The following URB1 variants were observed in gnomAD, a reference collection of about 807,000 sequenced individuals.
URB1 encodes nucleolar pre-ribosomal-associated protein 1.
A neutral mutation model predicts 242.3 loss-of-function variants in URB1; 197 were observed. The ratio of observed to expected loss-of-function variants is 0.81; its 90% CI spans 0.72 to 0.91. URB1 has a LOEUF of 0.91. Ranked by LOEUF, URB1 falls within the 40% of genes least tolerant of loss-of-function variation. URB1 has a pLI of 0.00. For missense variants in URB1, 2,721 were observed against 2,860.5 expected (o/e 0.95, Z 1.11); for synonymous variants, 1,153 against 1,201.8 (o/e 0.96, Z 0.84).
intron 33 of URB1, 31 bp downstream of exon 33, chr21:32,322,447 G>C (rs2032778585): frequency 6.6e-7 from 1 of 1,524,928 alleles, no homozygotes; most frequent in East Asian, 2.5e-5. Context: ...TCAGGGGCCT[G>C]CAGAAAGCCG....
At chr21:32,354,261 A>G (rs887923626) in intron 17 of URB1, among the ~76,000 whole-genome samples, 158 bp from the exon 18 acceptor site, 1 of 152,238 alleles carries the variant, frequency 6.6e-6, no homozygotes, top group Non-Finnish European at 1.5e-5. Context: ...AAACAGACAA[A>G]AACATTGCCT....
At chr21:32,344,495 C>A in intron 24 of URB1, 75 bp downstream of exon 24, 1 of 1,484,102 alleles carries the variant, frequency 6.7e-7, no homozygotes, top group Admixed American at 2.1e-5. Flanking sequence ...GCTTGAAATG[C>A]ATCTATAGCT....
At chr21:32,334,100 G>A in intron 29 of URB1, 63 bp downstream of exon 29, 1 of 1,458,286 alleles carries the variant, frequency 6.9e-7, no homozygotes, top group Non-Finnish European at 9.1e-7. Context: ...AGCTGAGGGT[G>A]CAGATGGAGC....
intron 13 of URB1, 120 bp downstream of exon 13, chr21:32,360,887 G>T: frequency 1.6e-6 from 1 of 609,084 alleles, no homozygotes; most frequent in Non-Finnish European, 2.8e-6. Context: ...CAATTTCTCA[G>T]GCTGACGGAT....
chr21:32,336,759 G>A (rs2032100), intron 28 of URB1, among the ~76,000 whole-genome samples: 83,981 of 152,158 alleles, frequency 0.55, 28,219 homozygotes, highest in Non-Finnish European at 0.75. Context: ...TATGGCATAA[G>A]TCAATCTACC....
intron 30 of URB1, among the ~76,000 whole-genome samples, chr21:32,329,267 T>TA (rs925088291): frequency 3.3e-5 from 5 of 151,490 alleles, no homozygotes; most frequent in African/African-American, 4.8e-5. Flanking sequence ...CCCTGACTCT[T>TA]AAAAAAAAAT....
At chr21:32,389,110 G>C (rs183390680) in intron 1 of URB1, among the ~76,000 whole-genome samples, 1 of 152,230 alleles carries the variant, frequency 6.6e-6, no homozygotes, top group Non-Finnish European at 1.5e-5. Context: ...ACATGATCTA[G>C]ATTAGAGGGT....
rs2032917968 is a variant in URB1, at chr21:32,333,374, C to A, written c.4903G>T (p.Asp1635Tyr). ...IFKDKSRVDL[D>Y]GLYDPCFLLQ... is the part of the protein sequence containing the mutation. ...AGAAAGCAGGGGTCATAGAGGCCAT[C>A]AAGATCCACCCTGCTTTTGTCTTTG... The change falls in exon 30 of 39, where the codon GAT becomes TAT. Residue 1635 changes from aspartate (D) to tyrosine (Y), a missense_variant. Coordinates refer to ENST00000382751, the MANE Select transcript of URB1 (RefSeq NM_014825.3). 2 of 1,551,614 alleles carry A rather than the reference C, an allele frequency of 1.3e-6. No homozygotes were observed.
At position 32,347,584 on chromosome 21, in the gene URB1, G is replaced by A. The variant is rs1178829189; in HGVS notation, c.3240C>T (p.Thr1080=). Residue 1080 remains threonine (T), a synonymous_variant, in exon 22 of 39, where the codon ACC becomes ACT. Coordinates refer to ENST00000382751, the MANE Select transcript of URB1 (RefSeq NM_014825.3). ...GLLARYSEAI[T]QSVLKELQNR... The stretch of plus-strand genomic sequence containing the variant: ...TCTGAAGTTCCTTCAGCACACTCTG[G>A]GTGATGGCCTCTGAGTACCTGGCCA... 6.4e-7 allele frequency: 1 copy of A among 1,551,588 alleles called. No homozygotes were observed. The highest frequency in any genetic ancestry group is 2.0e-5 in the Admixed American group (1 of 51,000).
Position 32,349,343 on chromosome 21 carries a change from G to C in URB1, c.2973C>G (p.Asp991Glu). ...ACTCCAGCGAGGCCACGGACTCCAT[G>C]TCCAGGAAGAGGTCGGCTTCGGCCC... ...AARAEADLFL[D>E]MESVASLELA... Residue 991 changes from aspartate (D) to glutamate (E), a missense_variant, in exon 21 of 39, where the codon GAC becomes GAG. Physicochemically the swap from Asp to Glu is conservative, Grantham distance 45 (BLOSUM62 2). Transcript: ENST00000382751. 1 of 1,550,816 alleles carries C rather than the reference G, an allele frequency of 6.4e-7. No individual in the cohort carries two copies. Among genetic ancestry groups the C allele is most frequent in the Non-Finnish European group, 8.7e-7 (1 of 1,146,678 alleles).
rs372524624 is a variant in URB1, at chr21:32,337,133, C to T, written c.4646G>A (p.Arg1549Gln). Reference sequence around the variant, plus strand: ...GCTGAGCTTGTTCTGCTCATACGCTCGAAGCAGAAGTAAAATCTTCTGATC... The same window carrying T: ...GCTGAGCTTGTTCTGCTCATACGCTTGAAGCAGAAGTAAAATCTTCTGATC... ...VLDQKILLLLRAYEQNKLSLI... is the reference protein window; with the variant it reads ...VLDQKILLLLQAYEQNKLSLI... The change falls in exon 28 of 39, where the codon CGA becomes CAA. Residue 1549 changes from arginine to glutamine, a missense_variant. Transcript: ENST00000382751. 5.3e-5 allele frequency: 83 copies of T among 1,551,830 alleles called. No individual in the cohort carries two copies. In the Admixed American group the frequency reaches 6.3e-4, roughly 12 times the overall value.
At position 32,354,905 on chromosome 21, in the gene URB1, C is replaced by T. The variant is rs187045353; in HGVS notation, c.2199G>A (p.Thr733=). The part of the protein sequence containing the change: ...QEASMLQATM[T]KQEADDMSIP... ...TGCTCATGTCATCGGCTTCTTGCTT[C>T]GTCATAGTGGCCTGCAGCATGCTTG... Residue 733 remains threonine, a synonymous_variant, in exon 17 of 39, where the codon ACG becomes ACA. Transcript: ENST00000382751. 40 of 1,552,374 alleles carry T rather than the reference C, an allele frequency of 2.6e-5. No individual in the cohort carries two copies. Among genetic ancestry groups the T allele is most frequent in the Non-Finnish European group, 3.2e-5 (37 of 1,147,144 alleles).
chr21:32,377,472 G>C, intron 5 of URB1: 1 of 338,880 alleles, frequency 3.0e-6, no homozygotes, highest in South Asian at 2.3e-5. Flanking sequence ...ACGGGAATTT[G>C]AAGAAACTAC....
chr21:32,322,601 T>G lies in URB1; in HGVS notation c.5234-17A>C, dbSNP rs563719435. Reference sequence around the variant, plus strand: ...TGTGCTCCTCTGAGAACACAGGCAGTCAGTCAGTCATGGCAGGCCCCAGCA... The same window carrying G: ...TGTGCTCCTCTGAGAACACAGGCAGGCAGTCAGTCATGGCAGGCCCCAGCA... On this transcript the variant is annotated splice_polypyrimidine_tract_variant and intron_variant, in intron 32 of 38. Transcript: ENST00000382751. 7 of 1,542,184 alleles carry G rather than the reference T, an allele frequency of 4.5e-6. No individual in the cohort carries two copies. The African/African-American group carries it at 5.5e-5, about 12-fold the overall frequency.
chr21:32,355,590 A>G, intron 15 of URB1, 25 bp from the exon 16 acceptor site: 1 of 1,533,036 alleles, frequency 6.5e-7, no homozygotes, highest in Non-Finnish European at 8.8e-7. Flanking sequence ...GCACCGGTGA[A>G]AAAGTCAGAA....
chr21:32,324,804 A>G (rs2032810153), intron 31 of URB1, among the ~76,000 whole-genome samples: 1 of 152,168 alleles, frequency 6.6e-6, no homozygotes. Flanking sequence ...TTTAGGAGTC[A>G]GTCAGGTGCA....
chr21:32,383,329 T>C (rs1204623205), intron 4 of URB1, 93 bp downstream of exon 4: 2 of 1,401,556 alleles, frequency 1.4e-6, no homozygotes, highest in Non-Finnish European at 1.9e-6. Context: ...TTCATCTGTG[T>C]GGGGATCAGG....
At chr21:32,358,299 C>T (rs1214730945) in intron 14 of URB1, among the ~76,000 whole-genome samples, 1 of 152,192 alleles carries the variant, frequency 6.6e-6, no homozygotes, top group Non-Finnish European at 1.5e-5. Context: ...AGGCACCTGG[C>T]TGTTTACTGG....
chr21:32,345,635 G>T, intron 22 of URB1, 60 bp from the exon 23 acceptor site: 1 of 1,464,184 alleles, frequency 6.8e-7, no homozygotes, highest in South Asian at 1.4e-5. Context: ...AGCCAGCTTG[G>T]ACCAGCTCCT....
Sources: gnomAD v4.1 joint callset for allele counts (sites outside exome capture counted in the v4.1 genomes callset) on GRCh38, gnomAD v4.1.1 for gene constraint, MANE v1.5 for transcripts, NCBI Gene and HGNC (gene_info 2026-07-23, HGNC 2026-07-21) for gene names.